KIF21B: variants seen among roughly 807,000 people sequenced by gnomAD.
The protein encoded by KIF21B is kinesin family member 21B.
Under a neutral mutation model 192.9 loss-of-function variants are expected in KIF21B, and 85 were observed. That is an observed-to-expected ratio of 0.44 (90% CI 0.37 to 0.53). The LOEUF is 0.53. Among genes scored for constraint, KIF21B ranks in the 20% least tolerant of loss-of-function variants. The pLI, the probability that KIF21B is intolerant of heterozygous loss-of-function variation, is 0.00. For missense variants in KIF21B, 1,716 were observed against 2,194.8 expected (o/e 0.78, Z 4.36); for synonymous variants, 832 against 884.6 (o/e 0.94, Z 1.05).
rs187090542 is a variant in KIF21B, at chr1:200,981,265, C to T, written c.3843-169G>A. Among the ~76,000 whole-genome samples the T allele has an allele frequency of 2.0e-3, 308 of 152,352 alleles. 4 individuals carry two copies. Among genetic ancestry groups the T allele is most frequent in the African/African-American group, 6.9e-3 (287 of 41,588 alleles). On this transcript the variant is annotated intron_variant, in intron 28 of 34. Coordinates refer to ENST00000461742, the MANE Select transcript of KIF21B (RefSeq NM_001252102.2). ...TCCACCAAGGTCTGAGAGCCGGGAACGGGCTACACAGAGTGGAGATAGCCT... is the reference window on the plus strand; with the variant it reads ...TCCACCAAGGTCTGAGAGCCGGGAATGGGCTACACAGAGTGGAGATAGCCT...
In KIF21B at chr1:201,023,686, C is replaced by T. The variant is rs972167032; in HGVS notation, c.-303G>A. On this transcript the variant is annotated 5_prime_UTR_variant, in exon 1 of 35. Transcript: ENST00000461742. The surrounding 1 kb of genome is among the most constrained non-coding windows in gnomAD (Gnocchi z 5.9). ...GGCACACGCGCACACACCTCCCACCCGGCAGCCACCTCCCGCCGCAGCGCG... is the reference window on the plus strand; with the variant it reads ...GGCACACGCGCACACACCTCCCACCTGGCAGCCACCTCCCGCCGCAGCGCG... 6.6e-6 allele frequency: 1 copy of T among 151,424 alleles called. No individual in the cohort carries two copies. Among genetic ancestry groups the T allele is most frequent in the African/African-American group, 2.4e-5 (1 of 41,316 alleles). The allele number at this position is 151,424 out of a possible 1,614,324, so 9.4% of individuals were successfully genotyped here. A position where few individuals can be genotyped will look rare whatever the true frequency, so the allele number is the denominator to read the frequency against.
Position 201,017,334 on chromosome 1 carries a change from G to A in KIF21B, c.41+6009C>T, listed in dbSNP as rs1384201591. ...TGCCATTGGCCACACAAGCCTGGCT[G>A]TGAGCAGGAGCCAGGAACTTCCTGG... On this transcript the variant is annotated intron_variant, in intron 1 of 34. Transcript: ENST00000461742. This position sits in a 1 kb window ranked among gnomAD's most constrained non-coding sequence, Gnocchi z 4.1. Among the ~76,000 whole-genome samples, 2 of 152,202 alleles carry A rather than the reference G, an allele frequency of 1.3e-5. No individual in the cohort carries two copies. Among genetic ancestry groups the A allele is most frequent in the Admixed American group, 1.3e-4 (2 of 15,288 alleles).
intron 5 of KIF21B, 120 bp from the exon 6 acceptor site, chr1:201,005,053 T>A: frequency 8.5e-7 from 1 of 1,174,730 alleles, no homozygotes; most frequent in Non-Finnish European, 1.2e-6. Flanking sequence ...CCTTCGCACA[T>A]GCAGAGCATC....
Position 201,023,304 on chromosome 1 carries a change from G to T in KIF21B, c.41+39C>A. ...AAGCCCACGCGAGACAAAGCCCGAG[G>T]CTTCTCCGCGCGCCCCCTTCCCCGC... On this transcript the variant is annotated intron_variant, in intron 1 of 34. Coordinates refer to ENST00000461742, the MANE Select transcript of KIF21B (RefSeq NM_001252102.2). The surrounding 1 kb of genome is among the most constrained non-coding windows in gnomAD (Gnocchi z 5.9). The T allele has an allele frequency of 6.6e-7, 1 of 1,508,850 alleles. No homozygotes were observed. Among genetic ancestry groups the T allele is most frequent in the Non-Finnish European group, 8.9e-7 (1 of 1,126,100 alleles). 93.5% of individuals were successfully genotyped at this position (1,508,850 alleles called of 1,614,324 possible).
In KIF21B at chr1:201,005,644, G is replaced by T; in HGVS notation, c.498C>A (p.Asp166Glu). The T allele has an allele frequency of 6.2e-7, 1 of 1,614,188 alleles. No individual in the cohort carries two copies. ...TGATGTTGGACCTGCGGTGGCGGGT[G>T]TCAGGGTCACGGGTGCTGTCAAACA... ...LDLFDSTRDP[D>E]TRHRRSNIKI... The change falls in exon 4 of 35, where the codon GAC becomes GAA. Residue 166 changes from aspartate (D) to glutamate (E), a missense_variant. Coordinates refer to ENST00000461742, the MANE Select transcript of KIF21B (RefSeq NM_001252102.2).
intron 3 of KIF21B, among the ~76,000 whole-genome samples, 161 bp from the exon 4 acceptor site, chr1:201,005,855 G>A (rs1445243647): frequency 6.6e-6 from 1 of 152,214 alleles, no homozygotes; most frequent in Non-Finnish European, 1.5e-5. Context: ...ACAGGGGCAG[G>A]AGACAGCTGG....
In KIF21B at chr1:201,000,710, C is replaced by G; in HGVS notation, c.1466+7G>C. Reference sequence around the variant, plus strand: ...CCGCGCACACCTGCCGGAGCTCACTCACTCACCGTAGCTCCTCGATCTCCC... The same window carrying G: ...CCGCGCACACCTGCCGGAGCTCACTGACTCACCGTAGCTCCTCGATCTCCC... On this transcript the variant is annotated splice_region_variant and intron_variant, in intron 10 of 34. Transcript: ENST00000461742. This position sits in a 1 kb window ranked among gnomAD's most constrained non-coding sequence, Gnocchi z 6.0. The G allele has an allele frequency of 6.2e-7, 1 of 1,614,158 alleles. No homozygotes were observed.
Position 200,976,781 on chromosome 1 carries a change from C to T in KIF21B, c.4438G>A (p.Val1480Ile), listed in dbSNP as rs1208206673. ...AGGCCTCATAGCTGAGGTACCTTAA[C>T]GTAGTGGTCCTTGGAGCCAGTCACC... is the stretch of plus-strand genomic sequence containing the variant. Reference protein sequence around the residue: ...LVVTGSKDHYVKMFELGECVT... With the variant: ...LVVTGSKDHYIKMFELGECVT... The change falls in exon 32 of 35, where the codon GTT becomes ATT. Residue 1480 changes from valine to isoleucine, a missense_variant. Physicochemically the swap from Val to Ile is conservative, Grantham distance 29. Coordinates refer to ENST00000461742, the MANE Select transcript of KIF21B (RefSeq NM_001252102.2). 3.9e-5 allele frequency: 62 copies of T among 1,608,426 alleles called. No homozygotes were observed. The highest frequency in any genetic ancestry group is 5.1e-5 in the Non-Finnish European group (60 of 1,175,630).
At chr1:201,003,935 G>A (rs1657651204) in intron 7 of KIF21B, among the ~76,000 whole-genome samples, 154 bp from the exon 8 acceptor site, 2 of 152,200 alleles carry the variant, frequency 1.3e-5, no homozygotes, top group South Asian at 4.1e-4. Context: ...GATGTGGGGA[G>A]CTGGACCATC....
intron 26 of KIF21B, among the ~76,000 whole-genome samples, chr1:200,986,478 C>T (rs572635436): frequency 3.5e-4 from 53 of 152,210 alleles, no homozygotes; most frequent in African/African-American, 1.2e-3. Flanking sequence ...ATGCCTCAGC[C>T]TCCCGAGTAG....
chr1:200,987,931 T>C (rs912166679), intron 24 of KIF21B, among the ~76,000 whole-genome samples: 1 of 152,224 alleles, frequency 6.6e-6, no homozygotes, highest in African/African-American at 2.4e-5. Flanking sequence ...GCACGTAAGA[T>C]AACCAGACAT....
chr1:200,973,905 GA>G, intron 34 of KIF21B: 11 of 1,486,544 alleles, frequency 7.4e-6, no homozygotes, highest in Non-Finnish European at 8.0e-6. Context: ...TTCATGCTTG[GA>G]AAAGGACGGT....
chr1:200,992,500 G>C (rs965442195), intron 15 of KIF21B, 111 bp from the exon 16 acceptor site: 9 of 1,077,666 alleles, frequency 8.4e-6, no homozygotes, highest in Non-Finnish European at 1.2e-5. Flanking sequence ...TGGCTAGCCA[G>C]GCAACACTGG....
chr1:201,001,295 C>T (rs77080338), intron 9 of KIF21B: 25 of 155,210 alleles, frequency 1.6e-4, no homozygotes, highest in African/African-American at 6.0e-4. Context: ...TGGAAACAAC[C>T]TAAATGCCCA....
Position 201,000,066 on chromosome 1 carries a change from G to A in KIF21B, c.1686-102C>T. 1 of 1,057,510 alleles carries A rather than the reference G, an allele frequency of 9.5e-7. No homozygotes were observed. The highest frequency in any genetic ancestry group is 1.4e-6 in the Non-Finnish European group (1 of 691,306). The allele number at this position is 1,057,510 out of a possible 1,614,324, so 65.5% of individuals were successfully genotyped here. A position where few individuals can be genotyped will look rare whatever the true frequency, so the allele number is the denominator to read the frequency against. On this transcript the variant is annotated intron_variant, in intron 11 of 34. Coordinates refer to ENST00000461742, the MANE Select transcript of KIF21B (RefSeq NM_001252102.2). This position sits in a 1 kb window ranked among gnomAD's most constrained non-coding sequence, Gnocchi z 6.0. The stretch of plus-strand genomic sequence containing the variant: ...GCAGAAAAGGAAGGCTCTCACCAGA[G>A]GCCGGGGAGAGCACTGGCTCCTACT...
At chr1:201,007,693 C>T (rs1657985153) in intron 3 of KIF21B, among the ~76,000 whole-genome samples, 1 of 151,428 alleles carries the variant, frequency 6.6e-6, no homozygotes, top group African/African-American at 2.4e-5. Flanking sequence ...CACAGACACA[C>T]ACAGACAGAT....
Position 200,982,350 on chromosome 1 carries a change from C to G in KIF21B, c.3842+706G>C, listed in dbSNP as rs1655990050. 6.6e-6 allele frequency among the ~76,000 whole-genome samples: 1 copy of G among 152,214 alleles called. No individual in the cohort carries two copies. Among genetic ancestry groups the G allele is most frequent in the African/African-American group, 2.4e-5 (1 of 41,454 alleles). Reference sequence around the variant, plus strand: ...GGGCTGGAGGCTCGAGGAGCTGAGACAGCCCACCAGGAGAGCCGAGGAAGC... The same window carrying G: ...GGGCTGGAGGCTCGAGGAGCTGAGAGAGCCCACCAGGAGAGCCGAGGAAGC... On this transcript the variant is annotated intron_variant, in intron 28 of 34. Transcript: ENST00000461742. The surrounding 1 kb of genome is among the most constrained non-coding windows in gnomAD (Gnocchi z 4.7).
At chr1:201,013,316 ACTCCATTGCCCATCC>A (rs1658335560) in intron 1 of KIF21B, among the ~76,000 whole-genome samples, 1 of 151,792 alleles carries the variant, frequency 6.6e-6, no homozygotes, top group East Asian at 1.9e-4. Context: ...CTTTCTAAGA[ACTCCATTGCCCATCC>A]CTCCAGCAGC....
At chr1:200,994,127 G>A (rs1031090820) in intron 15 of KIF21B, among the ~76,000 whole-genome samples, 1 of 152,210 alleles carries the variant, frequency 6.6e-6, no homozygotes, top group Non-Finnish European at 1.5e-5. Context: ...CTTTGCATGT[G>A]TAGCCAAGCA....
Sources: allele counts gnomAD v4.1 joint callset (sites outside exome capture counted in the v4.1 genomes callset), GRCh38; gene constraint gnomAD v4.1.1; non-coding constraint Gnocchi (gnomAD v3.1); transcripts MANE v1.5; gene names NCBI Gene and HGNC (gene_info 2026-07-23, HGNC 2026-07-21).